RGS8: variants seen among roughly 807,000 people sequenced by gnomAD.
RGS8 encodes regulator of G protein signaling 8.
RGS8 carries 8 observed loss-of-function variants against 21.7 expected under a neutral mutation model. That is an observed-to-expected ratio of 0.37 (90% CI 0.22 to 0.66). The LOEUF (loss-of-function observed/expected upper bound fraction) is 0.66, where lower values mean the gene tolerates loss of function less well. Ranked by LOEUF, RGS8 falls within the 30% of genes least tolerant of loss-of-function variation. The probability of loss-of-function intolerance (pLI) is 0.59; values close to 1 mark genes in which losing one functional copy is unlikely to be tolerated. For synonymous variants in RGS8, 80 were observed against 83.6 expected, an observed-to-expected ratio of 0.96 and a Z score of 0.24; for missense variants, 157 against 217.9, an observed-to-expected ratio of 0.72 and a Z score of 1.76.
chr1:182,718,470 G>A, the RGS8 span, among the ~76,000 whole-genome samples: 1 of 152,208 alleles, frequency 6.6e-6, no homozygotes, highest in Non-Finnish European at 1.5e-5. Flanking sequence ...CCTCCACCTG[G>A]CATCGCACTT....
chr1:182,719,180 C>T, the RGS8 span, among the ~76,000 whole-genome samples: 1 of 152,198 alleles, frequency 6.6e-6, no homozygotes, highest in Non-Finnish European at 1.5e-5. Flanking sequence ...CCAGGAGTTG[C>T]GCAGCACAGA....
At chr1:182,749,930 C>G in the RGS8 span, among the ~76,000 whole-genome samples, 3 of 152,130 alleles carry the variant, frequency 2.0e-5, no homozygotes, top group Non-Finnish European at 4.4e-5. Context: ...CTGCCTGTGT[C>G]CATGTGTTCT....
chr1:182,723,132 T>A, the RGS8 span, among the ~76,000 whole-genome samples: 1 of 152,198 alleles, frequency 6.6e-6, no homozygotes, highest in Non-Finnish European at 1.5e-5. Flanking sequence ...ATTTTGATGT[T>A]CTGGGTTGGG....
At chr1:182,670,262 A>T (rs1180439124) in intron 2 of RGS8, among the ~76,000 whole-genome samples, 2 of 152,218 alleles carry the variant, frequency 1.3e-5, no homozygotes, top group Non-Finnish European at 2.9e-5. Context: ...CTTGTCAGGC[A>T]CCATCACCAC....
chr1:182,751,883 A>C, the RGS8 span, among the ~76,000 whole-genome samples: 2 of 152,148 alleles, frequency 1.3e-5, no homozygotes, highest in African/African-American at 2.4e-5. Context: ...TTGGCATTTT[A>C]TTTGGCCTAC....
intron 5 of RGS8, among the ~76,000 whole-genome samples, chr1:182,665,259 A>G (rs1420224305): frequency 6.6e-6 from 1 of 152,216 alleles, no homozygotes; most frequent in African/African-American, 2.4e-5. Context: ...TTCAAAGCCC[A>G]TTAATTTGAA....
the RGS8 span, among the ~76,000 whole-genome samples, chr1:182,705,673 T>C: frequency 3.3e-5 from 5 of 151,738 alleles, no homozygotes; most frequent in Admixed American, 6.6e-5. Context: ...TACAAGCAAA[T>C]GGCAACATAG....
At chr1:182,684,990 T>G (rs1664663324), upstream of RGS8, among the ~76,000 whole-genome samples, 1 of 152,098 alleles carries the variant, frequency 6.6e-6, no homozygotes, top group Non-Finnish European at 1.5e-5. This position sits in a 1 kb window ranked among gnomAD's most constrained non-coding sequence, Gnocchi z 4.2. Flanking sequence ...GCTTCAAGGT[T>G]GTCGCTCTCC....
At chr1:182,684,993 C>G (rs546833257), upstream of RGS8, among the ~76,000 whole-genome samples, 1 of 151,974 alleles carries the variant, frequency 6.6e-6, no homozygotes, top group Non-Finnish European at 1.5e-5. This position sits in a 1 kb window ranked among gnomAD's most constrained non-coding sequence, Gnocchi z 4.2. Context: ...TCAAGGTTGT[C>G]GCTCTCCTTT....
chr1:182,685,938 G>C (rs965676850), upstream of RGS8, among the ~76,000 whole-genome samples: 9 of 152,176 alleles, frequency 5.9e-5, no homozygotes, highest in African/African-American at 2.2e-4. Flanking sequence ...CCAATGCATG[G>C]AGAAGTGAGT....
At chr1:182,671,037 A>G (rs1192891157) in intron 2 of RGS8, among the ~76,000 whole-genome samples, 1 of 152,112 alleles carries the variant, frequency 6.6e-6, no homozygotes, top group African/African-American at 2.4e-5. Flanking sequence ...AGAGACGACT[A>G]CCCACCTACA....
intron 5 of RGS8, among the ~76,000 whole-genome samples, chr1:182,661,842 A>G (rs1663606703): frequency 6.6e-6 from 1 of 150,710 alleles, no homozygotes; most frequent in African/African-American, 2.5e-5. Flanking sequence ...ACACACACAC[A>G]CACACTCTTG....
At chr1:182,680,293 C>G (rs1028394271) in intron 1 of RGS8, among the ~76,000 whole-genome samples, 1 of 152,182 alleles carries the variant, frequency 6.6e-6, no homozygotes, top group Non-Finnish European at 1.5e-5. Context: ...AGTCACCTAC[C>G]ACTTCCCTGG....
At chr1:182,642,277 A>C (rs1486252787), downstream of RGS8, 2 of 151,640 alleles carry the variant, frequency 1.3e-5, no homozygotes, top group African/African-American at 4.8e-5. Context: ...ACAGGCTCTC[A>C]GTGCCAGGGA....
chr1:182,685,829 G>C (rs913186518), upstream of RGS8, among the ~76,000 whole-genome samples: 3 of 152,142 alleles, frequency 2.0e-5, no homozygotes, highest in African/African-American at 4.8e-5. Context: ...CAACTCTTGG[G>C]AACCTAGTAT....
intron 5 of RGS8, among the ~76,000 whole-genome samples, chr1:182,654,089 T>A (rs1384205210): frequency 6.6e-6 from 1 of 152,230 alleles, no homozygotes; most frequent in African/African-American, 2.4e-5. Flanking sequence ...GATCCATAGA[T>A]AATATCACTC....
chr1:182,717,892 A>G, the RGS8 span, among the ~76,000 whole-genome samples: 11 of 152,238 alleles, frequency 7.2e-5, no homozygotes, highest in Non-Finnish European at 1.2e-4. Flanking sequence ...TAAATAGCAG[A>G]GACAAGTTCA....
chr1:182,668,834 A>T (rs1003538121), intron 3 of RGS8, among the ~76,000 whole-genome samples: 2 of 152,228 alleles, frequency 1.3e-5, no homozygotes, highest in Admixed American at 6.5e-5. Context: ...CGAGCAGCTG[A>T]TTGAGGGCCC....
At chr1:182,661,174 C>T (rs547863506) in intron 5 of RGS8, among the ~76,000 whole-genome samples, 8 of 151,730 alleles carry the variant, frequency 5.3e-5, no homozygotes, top group African/African-American at 1.9e-4. Context: ...TCAAAAGGGG[C>T]TAATTTTTAA....
Sources: allele counts gnomAD v4.1 joint callset (sites outside exome capture counted in the v4.1 genomes callset), GRCh38; gene constraint gnomAD v4.1.1; non-coding constraint Gnocchi (gnomAD v3.1); transcripts MANE v1.5; gene names NCBI Gene and HGNC (gene_info 2026-07-23, HGNC 2026-07-21).